Variants in ATP13A4 observed in about 807,000 individuals in gnomAD.
ATP13A4 encodes the protein probable cation-transporting ATPase 13A4.
A neutral mutation model predicts 142.5 loss-of-function variants in ATP13A4; 114 were observed. The observed-to-expected ratio is 0.80, with a 90% confidence interval of 0.69 to 0.93. ATP13A4 has a LOEUF of 0.93. Among genes scored for constraint, ATP13A4 ranks in the 40% least tolerant of loss-of-function variants. ATP13A4 has a pLI of 0.00. For synonymous variants in ATP13A4, 488 were observed against 514.8 expected (o/e 0.95, Z 0.70); for missense variants, 1,392 against 1,454.0 (o/e 0.96, Z 0.69).
In ATP13A4 at chr3:193,432,158, C is replaced by T. The variant is rs115741113; in HGVS notation, c.2842+1687G>A. On this transcript the variant is annotated intron_variant, in intron 25 of 29. Coordinates refer to ENST00000342695, the MANE Select transcript of ATP13A4 (RefSeq NM_032279.4). Reference sequence around the variant, plus strand: ...AATAATGGAGAAATAGATTATTAGACGAATAAAATCCTTGAGAAGGTTGGA... The same window carrying T: ...AATAATGGAGAAATAGATTATTAGATGAATAAAATCCTTGAGAAGGTTGGA... Among the ~76,000 whole-genome samples the T allele has an allele frequency of 1.6e-3, 242 of 151,712 alleles. 2 individuals carry two copies. Among genetic ancestry groups the T allele is most frequent in the African/African-American group, 5.4e-3 (224 of 41,368 alleles).
At chr3:193,559,446 C>T (rs1170969683), upstream of ATP13A4, among the ~76,000 whole-genome samples, 1 of 152,144 alleles carries the variant, frequency 6.6e-6, no homozygotes, top group Non-Finnish European at 1.5e-5. Flanking sequence ...TATCTAAACT[C>T]AAGGCTTTAC....
chr3:193,403,946 C>T, intron 29 of ATP13A4: 1 of 985,288 alleles, frequency 1.0e-6, no homozygotes, highest in Non-Finnish European at 1.2e-6. Context: ...TAAAATCTAC[C>T]CATTTTTGCC....
chr3:193,404,939 A>G (rs1576927934), intron 29 of ATP13A4, among the ~76,000 whole-genome samples: 1 of 152,142 alleles, frequency 6.6e-6, no homozygotes, highest in East Asian at 1.9e-4. Flanking sequence ...TAAACACATC[A>G]ATAATTGTTT....
intron 2 of ATP13A4, among the ~76,000 whole-genome samples, chr3:193,572,886 G>A (rs1213395767): frequency 6.6e-6 from 1 of 151,748 alleles, no homozygotes; most frequent in African/African-American, 2.4e-5. Flanking sequence ...CTAGCACTTT[G>A]GGAGGCTGAA....
intron 7 of ATP13A4, among the ~76,000 whole-genome samples, chr3:193,489,323 C>G (rs1008452106): frequency 1.3e-5 from 2 of 152,056 alleles, no homozygotes; most frequent in African/African-American, 4.8e-5. Flanking sequence ...TGGACTGGGG[C>G]CTTGACAAAT....
At chr3:193,480,858 C>A (rs1222888809) in intron 8 of ATP13A4, among the ~76,000 whole-genome samples, 1 of 152,046 alleles carries the variant, frequency 6.6e-6, no homozygotes, top group Non-Finnish European at 1.5e-5. Context: ...TTTGTAACTG[C>A]AAAACTATGG....
At chr3:193,446,234 T>A (rs1253404496) in intron 18 of ATP13A4, among the ~76,000 whole-genome samples, 1 of 152,100 alleles carries the variant, frequency 6.6e-6, no homozygotes, top group African/African-American at 2.4e-5. Flanking sequence ...AGAGGATAGA[T>A]AACAATGGAA....
chr3:193,579,645 G>A (rs935697858), intron 2 of ATP13A4, among the ~76,000 whole-genome samples: 2 of 152,088 alleles, frequency 1.3e-5, no homozygotes, highest in African/African-American at 4.8e-5. Flanking sequence ...TACAGGATGT[G>A]GGGAGAAATG....
At chr3:193,450,365 G>T (rs566366197) in intron 17 of ATP13A4, among the ~76,000 whole-genome samples, 6 of 152,284 alleles carry the variant, frequency 3.9e-5, no homozygotes, top group Admixed American at 6.5e-5. Flanking sequence ...GGCCTGTTGG[G>T]ACCATTTTTT....
rs565680529 is a variant in ATP13A4, at chr3:193,449,109, G to T, written c.2028-779C>A. On this transcript the variant is annotated intron_variant, in intron 17 of 29. Transcript: ENST00000342695. ...AAACAGGCCTCTCTATTCAGGTAAA[G>T]CTCATCCCTTTCTTTCTCCACCAGC... 3.9e-5 allele frequency among the ~76,000 whole-genome samples: 6 copies of T among 152,314 alleles called. No individual in the cohort carries two copies. In the East Asian group the frequency reaches 9.7e-4, roughly 25 times the overall value.
chr3:193,567,596 A>T (rs892991445), intron 2 of ATP13A4, among the ~76,000 whole-genome samples: 1 of 152,250 alleles, frequency 6.6e-6, no homozygotes, highest in African/African-American at 2.4e-5. Context: ...TACAGAAAAT[A>T]TGCAAATAAA....
chr3:193,455,931 T>C (rs1158947547), intron 16 of ATP13A4, among the ~76,000 whole-genome samples: 1 of 152,024 alleles, frequency 6.6e-6, no homozygotes, highest in Non-Finnish European at 1.5e-5. Context: ...CAAGCTAACA[T>C]AGGAACATAA....
chr3:193,528,339 G>C (rs1484833169), intron 1 of ATP13A4, among the ~76,000 whole-genome samples: 2 of 152,196 alleles, frequency 1.3e-5, no homozygotes, highest in Admixed American at 1.3e-4. Context: ...ACTGTATTTA[G>C]ATTCAAGCAC....
chr3:193,520,438 T>C (rs1371531480), intron 1 of ATP13A4, among the ~76,000 whole-genome samples: 5 of 152,244 alleles, frequency 3.3e-5, no homozygotes, highest in Non-Finnish European at 7.3e-5. Context: ...TCTAGGTTTC[T>C]TGAATGAGTG....
At chr3:193,483,717 G>T (rs9842952) in intron 8 of ATP13A4, among the ~76,000 whole-genome samples, 68,019 of 151,756 alleles carry the variant, frequency 0.45, 15,168 homozygotes, top group Admixed American at 0.49. Context: ...GCCCGCCTCG[G>T]CCTCCCAAAG....
chr3:193,457,514 C>A (rs749918611), intron 14 of ATP13A4, 49 bp from the exon 15 acceptor site: 8 of 1,541,172 alleles, frequency 5.2e-6, no homozygotes, highest in African/African-American at 1.4e-5. Flanking sequence ...TTATTGTTTG[C>A]CCACTGATGC....
chr3:193,593,005 T>C (rs1039715496), intron 1 of ATP13A4: 3 of 255,392 alleles, frequency 1.2e-5, no homozygotes, highest in Non-Finnish European at 2.2e-5. Flanking sequence ...CTCCCTCCCC[T>C]GGCCAAATCT....
rs1046549292 is a variant in ATP13A4 at position 193,423,852 on chromosome 3, A to C, written c.2843-9102T>G. On this transcript the variant is annotated intron_variant, in intron 25 of 29. Coordinates refer to ENST00000342695, the MANE Select transcript of ATP13A4 (RefSeq NM_032279.4). ...AGCAACTAGGCAAGAGAAAAAAAAA[A>C]CAGACATTCAAATTGGGAAGGAGAA... is the stretch of plus-strand genomic sequence containing the variant. 1.2e-3 allele frequency among the ~76,000 whole-genome samples: 173 copies of C among 145,472 alleles called. 10 individuals are homozygous for C. The highest frequency in any genetic ancestry group is 4.1e-3 in the African/African-American group (163 of 39,708).
chr3:193,422,493 A>T (rs1409956423), intron 25 of ATP13A4, among the ~76,000 whole-genome samples: 1 of 149,928 alleles, frequency 6.7e-6, no homozygotes, highest in African/African-American at 2.4e-5. Flanking sequence ...AACAAGTACT[A>T]AAACATTTTT....
Sources: allele counts gnomAD v4.1 joint callset (sites outside exome capture counted in the v4.1 genomes callset), GRCh38; gene constraint gnomAD v4.1.1; transcripts MANE v1.5; gene names NCBI Gene and HGNC (gene_info 2026-07-23, HGNC 2026-07-21).